Variants in SMC6 observed in about 807,000 individuals in gnomAD.
SMC6 encodes the protein structural maintenance of chromosomes 6, also known as structural maintenance of chromosomes protein 6.
In SMC6, 79 loss-of-function variants were observed where a neutral mutation model predicts 142.2. The ratio of observed to expected loss-of-function variants is 0.56; its 90% CI spans 0.46 to 0.67. The LOEUF (loss-of-function observed/expected upper bound fraction) is 0.67, where lower values mean the gene tolerates loss of function less well. SMC6 is among the 30% of genes least tolerant of loss of function. The pLI, the probability that SMC6 is intolerant of heterozygous loss-of-function variation, is 0.00. For missense variants in SMC6, 1,072 were observed against 1,284.0 expected (o/e 0.83, Z 2.52); for synonymous variants, 411 against 412.4 (o/e 1.00, Z 0.04).
Position 17,678,919 on chromosome 2 carries a change from A to G in SMC6, c.2850T>C (p.Ser950=). ...TCATTTTTCCACAATAGGCCCGCTG[A>G]GATAGTAAGTTGTCAAAGTATAATT... The part of the protein sequence containing the change: ...RCKLYFDNLL[S]QRAYCGKMNF... Residue 950 remains serine (S), a synonymous_variant, in exon 25 of 28, where the codon TCT becomes TCC. Transcript: ENST00000448223. 1 of 1,612,712 alleles carries G rather than the reference A, an allele frequency of 6.2e-7. No individual in the cohort carries two copies. The highest frequency in any genetic ancestry group is 8.5e-7 in the Non-Finnish European group (1 of 1,179,342).
chr2:17,714,569 G>A (rs577135833), intron 16 of SMC6, among the ~76,000 whole-genome samples: 7 of 152,062 alleles, frequency 4.6e-5, no homozygotes, highest in Middle Eastern at 3.2e-3. Flanking sequence ...TCTTCCTCAG[G>A]CCCCTCCCTC....
chr2:17,734,238 C>A (rs1214665499), intron 5 of SMC6, among the ~76,000 whole-genome samples: 1 of 152,092 alleles, frequency 6.6e-6, no homozygotes, highest in Non-Finnish European at 1.5e-5. Flanking sequence ...CTCAAGAGAC[C>A]CCGCAGTATT....
intron 18 of SMC6, among the ~76,000 whole-genome samples, chr2:17,704,896 T>C (rs995298628): frequency 1.3e-5 from 2 of 151,948 alleles, no homozygotes; most frequent in Admixed American, 6.6e-5. Context: ...CAGGATTTAA[T>C]AGGAAATATT....
intron 21 of SMC6, among the ~76,000 whole-genome samples, chr2:17,698,467 T>C (rs556451883): frequency 4.6e-5 from 7 of 152,114 alleles, no homozygotes; most frequent in Admixed American, 2.6e-4. Context: ...CCTTTTGTCA[T>C]TACGTAATGT....
chr2:17,745,237 CTT>C (rs1670684096), intron 3 of SMC6, among the ~76,000 whole-genome samples: 1 of 151,872 alleles, frequency 6.6e-6, no homozygotes, highest in African/African-American at 2.4e-5. Flanking sequence ...AAAGTGTTCT[CTT>C]ATGATTTTTG....
intron 12 of SMC6, 38 bp downstream of exon 12, chr2:17,718,039 G>A: frequency 6.4e-7 from 1 of 1,573,528 alleles, no homozygotes. Context: ...TATTTGCTGT[G>A]TGGCTTTTAA....
intron 5 of SMC6, among the ~76,000 whole-genome samples, chr2:17,733,680 C>T (rs1670013744): frequency 6.6e-6 from 1 of 152,100 alleles, no homozygotes; most frequent in Non-Finnish European, 1.5e-5. Flanking sequence ...GTTATGGAGC[C>T]TCTAGACCTA....
intron 23 of SMC6, among the ~76,000 whole-genome samples, chr2:17,689,749 T>C (rs1667619465): frequency 6.6e-6 from 1 of 152,250 alleles, no homozygotes; most frequent in Non-Finnish European, 1.5e-5. Flanking sequence ...CATCTTCCTG[T>C]ATACTTTAAA....
intron 20 of SMC6, among the ~76,000 whole-genome samples, chr2:17,701,360 A>C: frequency 6.6e-6 from 1 of 152,164 alleles, no homozygotes. Context: ...GATTCCCGAA[A>C]AAAAGATTAC....
At chr2:17,723,923 G>C (rs1016077010) in intron 9 of SMC6, among the ~76,000 whole-genome samples, 3 of 152,224 alleles carry the variant, frequency 2.0e-5, no homozygotes, top group Admixed American at 1.3e-4. Context: ...CACCAATTAA[G>C]AGAAAAGTTC....
chr2:17,730,995 T>G, intron 7 of SMC6, 83 bp downstream of exon 7: 1 of 1,050,960 alleles, frequency 9.5e-7, no homozygotes, highest in South Asian at 1.3e-5. Context: ...TGAGGCCATT[T>G]AAATTTTTTC....
chr2:17,719,259 CATATT>C (rs1187914799), intron 11 of SMC6, among the ~76,000 whole-genome samples: 1 of 152,066 alleles, frequency 6.6e-6, no homozygotes, highest in African/African-American at 2.4e-5. Context: ...AAACATAATT[CATATT>C]ATTTTTCAGT....
chr2:17,697,860 A>G (rs922858932), intron 21 of SMC6, among the ~76,000 whole-genome samples: 2 of 152,090 alleles, frequency 1.3e-5, no homozygotes, highest in Admixed American at 6.6e-5. Flanking sequence ...ATGATAATAC[A>G]TATCTATACA....
chr2:17,728,727 G>C lies in SMC6; in HGVS notation c.544-2258C>G, dbSNP rs961281001. Reference sequence around the variant, plus strand: ...GTTATGCTAGACCAACAATGTCCAAGAAAAATATACGCCAAGTCACACACA... The same window carrying C: ...GTTATGCTAGACCAACAATGTCCAACAAAAATATACGCCAAGTCACACACA... On this transcript the variant is annotated intron_variant, in intron 7 of 27. Transcript: ENST00000448223. Among the ~76,000 whole-genome samples the C allele has an allele frequency of 5.5e-4, 83 of 150,744 alleles. 1 individual carries two copies. Among genetic ancestry groups the C allele is most frequent in the African/African-American group, 1.9e-3 (79 of 40,590 alleles).
Position 17,718,076 on chromosome 2 carries a change from C to A in SMC6, c.1092+1G>T. On this transcript the variant is annotated splice_donor_variant, in intron 12 of 27. Coordinates refer to ENST00000448223, the MANE Select transcript of SMC6 (RefSeq NM_001142286.2). LOFTEE classifies it high-confidence loss of function. ...ATTCCAGTTTAGAAAATTTATCTCA[C>A]CTCAGCTTCATTATAGGCCCTTTTC... 4 of 1,474,876 alleles carry A rather than the reference C, an allele frequency of 2.7e-6. No individual in the cohort carries two copies. The highest frequency in any genetic ancestry group is 2.4e-5 in the South Asian group (2 of 84,530). The allele number at this position is 1,474,876 out of a possible 1,614,324, so 91.4% of individuals were successfully genotyped here.
chr2:17,697,400 A>G (rs1246563969), intron 21 of SMC6, among the ~76,000 whole-genome samples: 1 of 152,086 alleles, frequency 6.6e-6, no homozygotes, highest in Non-Finnish European at 1.5e-5. Flanking sequence ...TCAGTCATCT[A>G]TCTATATACT....
chr2:17,720,768 T>C (rs544320687), intron 11 of SMC6, among the ~76,000 whole-genome samples, 172 bp downstream of exon 11: 1 of 152,216 alleles, frequency 6.6e-6, no homozygotes, highest in Admixed American at 6.5e-5. Context: ...CAAAAGAGAG[T>C]CACCACAACA....
intron 3 of SMC6, among the ~76,000 whole-genome samples, chr2:17,742,226 C>A (rs1206847205): frequency 2.6e-5 from 4 of 152,130 alleles, no homozygotes; most frequent in South Asian, 2.1e-4. Context: ...ATTTAGAATA[C>A]CTCTGAAAGA....
intron 5 of SMC6, among the ~76,000 whole-genome samples, chr2:17,738,015 C>T (rs948031976): frequency 6.6e-6 from 1 of 152,140 alleles, no homozygotes; most frequent in Admixed American, 6.5e-5. Context: ...ATAGGTTACA[C>T]AAGCTATCTG....
Sources: allele counts gnomAD v4.1 joint callset (sites outside exome capture counted in the v4.1 genomes callset), GRCh38; gene constraint gnomAD v4.1.1; transcripts MANE v1.5; gene names NCBI Gene and HGNC (gene_info 2026-07-23, HGNC 2026-07-21).